Variants in DLG2 observed in about 807,000 individuals in gnomAD.
DLG2 encodes the protein discs large MAGUK scaffold protein 2, also known as disks large homolog 2.
Under a neutral mutation model 132.5 loss-of-function variants are expected in DLG2, and 45 were observed. The ratio of observed to expected loss-of-function variants is 0.34; its 90% CI spans 0.27 to 0.44. The LOEUF (loss-of-function observed/expected upper bound fraction) is 0.44. DLG2 is among the 20% of genes least tolerant of loss of function. DLG2 has a pLI of 1.00. For missense variants in DLG2, 1,045 were observed against 1,196.9 expected (o/e 0.87, Z 1.87); for synonymous variants, 424 against 419.6 (o/e 1.01, Z -0.13).
intron 6 of DLG2, among the ~76,000 whole-genome samples, chr11:84,702,692 T>C (rs1565705960): frequency 6.6e-6 from 1 of 151,658 alleles, no homozygotes; most frequent in African/African-American, 2.4e-5. Context: ...AAACCTTTAT[T>C]GACCTCACAG....
At chr11:84,099,182 GCA>G (rs2092160983) in intron 9 of DLG2, 135 bp from the exon 10 acceptor site, 2 of 724,182 alleles carry the variant, frequency 2.8e-6, no homozygotes, top group South Asian at 2.0e-5. Flanking sequence ...ATCATAAAGT[GCA>G]CAGTTAGCAG....
intron 18 of DLG2, among the ~76,000 whole-genome samples, chr11:83,655,962 C>T (rs555364502): frequency 6.6e-6 from 1 of 152,330 alleles, no homozygotes; most frequent in South Asian, 2.1e-4. Context: ...GATGCCTAAA[C>T]AGTGCAGTAG....
rs562942063 is a variant in DLG2 at position 84,004,541 on chromosome 11, A to G, written c.920-23899T>C. On this transcript the variant is annotated intron_variant, in intron 11 of 27. Coordinates refer to ENST00000376104, the MANE Select transcript of DLG2 (RefSeq NM_001142699.3). ...TAACTGGAACAAGATAAGAATGCCCACAAAATACTACACCAAAAAACTCTT... is the reference window on the plus strand; with the variant it reads ...TAACTGGAACAAGATAAGAATGCCCGCAAAATACTACACCAAAAAACTCTT... Among the ~76,000 whole-genome samples the G allele has an allele frequency of 7.2e-4, 110 of 152,100 alleles. 1 individual carries two copies. The highest frequency in any genetic ancestry group is 6.2e-3 in the South Asian group (30 of 4,826).
intron 6 of DLG2, among the ~76,000 whole-genome samples, chr11:85,017,932 A>AT (rs149375215): frequency 0.038 from 5,799 of 152,246 alleles, 170 homozygotes; most frequent in African/African-American, 0.067. Flanking sequence ...AGTGAAGAAA[A>AT]AACCACATAA....
At chr11:85,205,291 CAAAT>C (rs1011770485) in intron 4 of DLG2, among the ~76,000 whole-genome samples, 7 of 151,346 alleles carry the variant, frequency 4.6e-5, no homozygotes, top group Admixed American at 2.0e-4. Flanking sequence ...TACAAAAAGA[CAAAT>C]AACATATGTT....
chr11:85,074,056 A>G (rs1015438142), intron 6 of DLG2, among the ~76,000 whole-genome samples: 1 of 151,872 alleles, frequency 6.6e-6, no homozygotes, highest in Admixed American at 6.6e-5. Flanking sequence ...ATATATGGAC[A>G]CAATGCAAAG....
intron 7 of DLG2, among the ~76,000 whole-genome samples, chr11:84,475,489 G>A (rs2099119248): frequency 6.6e-6 from 1 of 152,096 alleles, no homozygotes; most frequent in Non-Finnish European, 1.5e-5. Context: ...TGGTCCCAGG[G>A]CTGTTTTCTG....
At chr11:84,894,164 G>C (rs1440603468) in intron 6 of DLG2, among the ~76,000 whole-genome samples, 1 of 151,978 alleles carries the variant, frequency 6.6e-6, no homozygotes, top group African/African-American at 2.4e-5. Flanking sequence ...AAAGCTTCTT[G>C]GTTGCCCTTC....
At chr11:85,075,694 A>G (rs538816523) in intron 6 of DLG2, among the ~76,000 whole-genome samples, 3 of 151,954 alleles carry the variant, frequency 2.0e-5, no homozygotes, top group South Asian at 4.1e-4. Context: ...ATGTGCATAT[A>G]CTCCCAAAAA....
chr11:85,584,984 A>T (rs1405023926), intron 3 of DLG2, among the ~76,000 whole-genome samples: 5 of 152,142 alleles, frequency 3.3e-5, no homozygotes, highest in African/African-American at 1.2e-4. Flanking sequence ...TTCTTTTGCT[A>T]TGCAGAAGCT....
At chr11:83,805,429 CATATT>C in intron 17 of DLG2, among the ~76,000 whole-genome samples, 1 of 151,634 alleles carries the variant, frequency 6.6e-6, no homozygotes, top group Non-Finnish European at 1.5e-5. Flanking sequence ...TTTTATATAT[CATATT>C]AGAATGTTTT....
At chr11:85,055,417 G>C (rs2063351218) in intron 6 of DLG2, among the ~76,000 whole-genome samples, 1 of 152,184 alleles carries the variant, frequency 6.6e-6, no homozygotes, top group Non-Finnish European at 1.5e-5. Flanking sequence ...ATCCCTGAGA[G>C]AAGAAAATTC....
chr11:84,477,878 G>A (rs2099126022), intron 7 of DLG2, among the ~76,000 whole-genome samples: 1 of 152,126 alleles, frequency 6.6e-6, no homozygotes, highest in African/African-American at 2.4e-5. Flanking sequence ...ATTAGTGGCA[G>A]TTAACATTAA....
At chr11:85,238,534 G>C (rs2075718046) in intron 4 of DLG2, among the ~76,000 whole-genome samples, 1 of 152,016 alleles carries the variant, frequency 6.6e-6, no homozygotes, top group Non-Finnish European at 1.5e-5. Flanking sequence ...GTGAGCCACT[G>C]TGTCCCACCT....
chr11:85,406,119 T>C (rs1033573098), intron 3 of DLG2, among the ~76,000 whole-genome samples: 2 of 151,926 alleles, frequency 1.3e-5, no homozygotes, highest in Non-Finnish European at 2.9e-5. Context: ...ACACAACTTA[T>C]ACAGAGGGTA....
At chr11:84,359,643 A>G (rs2098638049) in intron 7 of DLG2, among the ~76,000 whole-genome samples, 1 of 151,848 alleles carries the variant, frequency 6.6e-6, no homozygotes, top group Non-Finnish European at 1.5e-5. Context: ...GATTCTTCCT[A>G]AAGAGATGTC....
intron 7 of DLG2, among the ~76,000 whole-genome samples, chr11:84,390,682 G>T (rs1296820337): frequency 6.6e-6 from 1 of 152,168 alleles, no homozygotes; most frequent in Non-Finnish European, 1.5e-5. Context: ...TAGAGGCTGT[G>T]AGAAAGAGAA....
intron 19 of DLG2, among the ~76,000 whole-genome samples, chr11:83,549,241 C>T (rs1221159199): frequency 6.6e-6 from 1 of 152,116 alleles, no homozygotes; most frequent in Non-Finnish European, 1.5e-5. Flanking sequence ...ACATATGACC[C>T]ATTTTCACAT....
At chr11:83,868,008 G>C (rs529746874) in intron 16 of DLG2, among the ~76,000 whole-genome samples, 18 of 152,320 alleles carry the variant, frequency 1.2e-4, no homozygotes, top group African/African-American at 4.1e-4. Flanking sequence ...AGGAAAAGGA[G>C]CTGACAGCTC....
Sources: allele counts gnomAD v4.1 joint callset (sites outside exome capture counted in the v4.1 genomes callset), GRCh38; gene constraint gnomAD v4.1.1; transcripts MANE v1.5; gene names NCBI Gene and HGNC (gene_info 2026-07-23, HGNC 2026-07-21).